HCK: variants seen among roughly 807,000 people sequenced by gnomAD.
The protein encoded by HCK is tyrosine-protein kinase HCK.
Under a neutral mutation model 70.4 loss-of-function variants are expected in HCK, and 40 were observed. That is an observed-to-expected ratio of 0.57 (90% CI 0.44 to 0.74). The LOEUF is 0.74. Ranked by LOEUF, HCK falls within the 30% of genes least tolerant of loss-of-function variation. The pLI is 0.00. For synonymous variants in HCK, 245 were observed against 263.2 expected, an observed-to-expected ratio of 0.93 and a Z score of 0.67; for missense variants, 568 against 697.2, an observed-to-expected ratio of 0.81 and a Z score of 2.09.
rs369813714 is a variant in HCK at position 32,084,592 on chromosome 20, G to C, written c.835+49G>C. 5 of 1,541,028 alleles carry C rather than the reference G, an allele frequency of 3.2e-6. No individual in the cohort carries two copies. In the African/African-American group the frequency reaches 6.9e-5, roughly 21 times the overall value. On this transcript the variant is annotated intron_variant, in intron 8 of 12. Transcript: ENST00000375852. ...ACAGGGCCAGAGGGTGGAGGGGAGA[G>C]GGAGGCCACTTGCTTCCAGGAACAC...
chr20:32,099,260 G>A (rs1279633330), intron 12 of HCK, 125 bp downstream of exon 12: 1 of 1,023,054 alleles, frequency 9.8e-7, no homozygotes, highest in Non-Finnish European at 1.4e-6. Flanking sequence ...CACCTTTCCT[G>A]TCTTAGTTAA....
At chr20:32,072,002 G>A in intron 2 of HCK, 1 of 572,170 alleles carries the variant, frequency 1.7e-6, no homozygotes, top group Non-Finnish European at 3.0e-6. Context: ...CCCAGGCTTG[G>A]CCCCTCAGCC....
Position 32,080,769 on chromosome 20 carries a change from T to C in HCK, c.532+892T>C, listed in dbSNP as rs1600727821. On this transcript the variant is annotated intron_variant, in intron 6 of 12. Transcript: ENST00000375852. Reference sequence around the variant, plus strand: ...TCAAGCAATCTGCCTACCTCAGCCTTCCAAAGTGTCAGGACTACAAAGTGT... The same window carrying C: ...TCAAGCAATCTGCCTACCTCAGCCTCCCAAAGTGTCAGGACTACAAAGTGT... Among the ~76,000 whole-genome samples the C allele has an allele frequency of 2.0e-5, 3 of 152,232 alleles. No individual in the cohort carries two copies. In the East Asian group the frequency reaches 5.8e-4, roughly 29 times the overall value.
intron 5 of HCK, 62 bp from the exon 6 acceptor site, chr20:32,079,712 G>C: frequency 2.6e-6 from 3 of 1,151,394 alleles, no homozygotes; most frequent in Non-Finnish European, 3.9e-6. Flanking sequence ...CAGGCATCCT[G>C]TGTAGGCCGG....
intron 3 of HCK, 94 bp downstream of exon 3, chr20:32,073,455 C>G (rs1302369481): frequency 8.8e-7 from 1 of 1,142,030 alleles, no homozygotes; most frequent in Non-Finnish European, 1.3e-6. Context: ...CCCAAACAGT[C>G]AAACCCCTGT....
intron 1 of HCK, among the ~76,000 whole-genome samples, chr20:32,055,194 C>T (rs1444714149): frequency 6.6e-6 from 1 of 152,192 alleles, no homozygotes; most frequent in Non-Finnish European, 1.5e-5. Flanking sequence ...GAGAGGAGTA[C>T]TGTAGCCCAG....
intron 5 of HCK, among the ~76,000 whole-genome samples, chr20:32,077,026 G>A (rs767493923): frequency 6.6e-6 from 1 of 152,158 alleles, no homozygotes; most frequent in Non-Finnish European, 1.5e-5. Flanking sequence ...AGAGGTTGCA[G>A]TGAGCCGAGA....
intron 5 of HCK, among the ~76,000 whole-genome samples, chr20:32,079,259 G>A (rs1459781343): frequency 2.6e-5 from 4 of 152,156 alleles, no homozygotes; most frequent in Admixed American, 6.5e-5. Context: ...CCATATATGC[G>A]GAGGAGGATT....
At chr20:32,098,904 G>T in intron 11 of HCK, 100 bp from the exon 12 acceptor site, 2 of 1,332,952 alleles carry the variant, frequency 1.5e-6, no homozygotes, top group Middle Eastern at 2.2e-4. Context: ...TGCAGGGGCA[G>T]ATGTTGGCAG....
intron 5 of HCK, among the ~76,000 whole-genome samples, chr20:32,078,995 C>T (rs190612176): frequency 2.0e-5 from 3 of 151,956 alleles, no homozygotes; most frequent in Admixed American, 2.0e-4. Context: ...AGGAAGGCAA[C>T]TTGCTCAAAG....
chr20:32,082,814 A>G (rs973282928), intron 6 of HCK, among the ~76,000 whole-genome samples: 3 of 152,090 alleles, frequency 2.0e-5, no homozygotes, highest in Admixed American at 6.5e-5. Flanking sequence ...TCTATGTGAT[A>G]ATATAGGGTG....
intron 1 of HCK, among the ~76,000 whole-genome samples, chr20:32,056,061 C>G: frequency 6.6e-6 from 1 of 152,182 alleles, no homozygotes; most frequent in East Asian, 1.9e-4. Context: ...GTTTATTTAC[C>G]CATTTATCCA....
intron 9 of HCK, 42 bp downstream of exon 9, chr20:32,086,849 C>G: frequency 3.3e-6 from 5 of 1,503,982 alleles, no homozygotes; most frequent in Non-Finnish European, 3.6e-6. Context: ...GTGGCCTATA[C>G]TGGTCAATTG....
intron 10 of HCK, among the ~76,000 whole-genome samples, chr20:32,090,945 T>C (rs1412157393): frequency 6.6e-6 from 1 of 152,152 alleles, no homozygotes; most frequent in African/African-American, 2.4e-5. Context: ...AATAAATACT[T>C]AACTATGTGC....
chr20:32,055,878 C>T lies in HCK; in HGVS notation c.62+3392C>T, dbSNP rs73613746. On this transcript the variant is annotated intron_variant, in intron 1 of 12. Transcript: ENST00000375852. ...ACCACCAATCTGCTTTTTGCCTCTA[C>T]GGACTAATTTATTCAGGATATTTAA... Among the ~76,000 whole-genome samples, 128 of 152,242 alleles carry T rather than the reference C, an allele frequency of 8.4e-4. 2 individuals are homozygous for T. In the East Asian group the frequency reaches 0.024, roughly 28 times the overall value.
chr20:32,052,480 C>A lies in HCK; in HGVS notation c.56C>A (p.Ala19Glu). ...GGCTGCCCGCGAGACGAGGAGCGGG[C>A]GCCCAGGTGAGTGCCGCGCACAGGG... The change falls in exon 1 of 13, where the codon GCG becomes GAG. Residue 19 changes from alanine to glutamate, a missense_variant. By Grantham distance (107) the Ala-to-Glu change is moderately radical. This residue lies in a region of HCK where 318 missense variants were observed against 336.0 expected (regional missense o/e 0.95). Transcript: ENST00000375852. 1 of 1,264,366 alleles carries A rather than the reference C, an allele frequency of 7.9e-7. No homozygotes were observed. Among genetic ancestry groups the A allele is most frequent in the South Asian group, 3.2e-5 (1 of 31,036 alleles). 78.3% of individuals were successfully genotyped at this position (1,264,366 alleles called of 1,614,324 possible).
intron 5 of HCK, among the ~76,000 whole-genome samples, chr20:32,076,012 C>T (rs2045618696): frequency 6.6e-6 from 1 of 152,134 alleles, no homozygotes; most frequent in Non-Finnish European, 1.5e-5. Flanking sequence ...AACGCTTAGG[C>T]TTTTCCCATT....
At chr20:32,064,653 A>C in intron 1 of HCK, among the ~76,000 whole-genome samples, 1 of 152,198 alleles carries the variant, frequency 6.6e-6, no homozygotes, top group East Asian at 1.9e-4. Context: ...GTTTCTGCTT[A>C]AGCATAGAAG....
intron 11 of HCK, among the ~76,000 whole-genome samples, chr20:32,094,330 T>C (rs766773063): frequency 3.9e-5 from 6 of 152,102 alleles, no homozygotes; most frequent in Non-Finnish European, 7.4e-5. Flanking sequence ...CAAATGTCCA[T>C]AGCAGGAGGA....
Sources: gnomAD v4.1 joint callset for allele counts (sites outside exome capture counted in the v4.1 genomes callset) on GRCh38, gnomAD v4.1.1 for gene constraint, gnomAD v4.1.1 regional missense constraint, MANE v1.5 for transcripts, NCBI Gene and HGNC (gene_info 2026-07-23, HGNC 2026-07-21) for gene names.